The following ARHGAP17 variants were observed in gnomAD, a reference collection of about 807,000 sequenced individuals.
ARHGAP17 encodes rho GTPase-activating protein 17.
Under a neutral mutation model 99.5 loss-of-function variants are expected in ARHGAP17, and 57 were observed. That is an observed-to-expected ratio of 0.57 (90% CI 0.46 to 0.71). The LOEUF is 0.71. Among genes scored for constraint, ARHGAP17 ranks in the 30% least tolerant of loss-of-function variants. ARHGAP17 has a pLI of 0.00. For missense variants in ARHGAP17, 1,000 were observed against 1,122.4 expected, an observed-to-expected ratio of 0.89 and a Z score of 1.56; for synonymous variants, 417 against 429.6, an observed-to-expected ratio of 0.97 and a Z score of 0.36.
At chr16:24,990,025 A>T in intron 1 of ARHGAP17, among the ~76,000 whole-genome samples, 1 of 152,268 alleles carries the variant, frequency 6.6e-6, no homozygotes, top group Non-Finnish European at 1.5e-5. Flanking sequence ...GAATGTTCAC[A>T]ATACAGGCAC....
chr16:24,968,780 A>G lies in ARHGAP17; in HGVS notation c.273-8T>C, dbSNP rs1305431270. The G allele has an allele frequency of 6.2e-7, 1 of 1,614,002 alleles. No homozygotes were observed. Among genetic ancestry groups the G allele is most frequent in the Non-Finnish European group, 8.5e-7 (1 of 1,179,912 alleles). ...CACGTCTCCAGCATCTTCCTTTAAA[A>G]ACAAGACCCCCAACAACGAGCACGT... On this transcript the variant is annotated splice_polypyrimidine_tract_variant and splice_region_variant and intron_variant, in intron 4 of 19. Transcript: ENST00000289968.
Position 24,919,815 on chromosome 16 carries a change from G to A in ARHGAP17, c.*315C>T, listed in dbSNP as rs1312656990. On this transcript the variant is annotated 3_prime_UTR_variant, in exon 20 of 20. Transcript: ENST00000289968. ...GTAGGTGCTGCCCGCATTAACAGCA[G>A]GGACAAAAGCTTCCTATGCGCGTTT... 1 of 214,142 alleles carries A rather than the reference G, an allele frequency of 4.7e-6. No homozygotes were observed. The highest frequency in any genetic ancestry group is 1.1e-4 in the East Asian group (1 of 9,378). 13.3% of individuals were successfully genotyped at this position (214,142 alleles called of 1,614,324 possible). A position where few individuals can be genotyped will look rare whatever the true frequency, so the allele number is the denominator to read the frequency against.
At chr16:24,937,164 G>A (rs959976495) in intron 17 of ARHGAP17, among the ~76,000 whole-genome samples, 3 of 151,252 alleles carry the variant, frequency 2.0e-5, no homozygotes, top group Admixed American at 6.6e-5. Context: ...GCTCACGCCT[G>A]TAATCCCAGC....
chr16:24,998,331 T>C (rs1375967631), intron 1 of ARHGAP17, among the ~76,000 whole-genome samples: 1 of 150,064 alleles, frequency 6.7e-6, no homozygotes, highest in South Asian at 2.1e-4. Context: ...TGGAGGGAGG[T>C]GAAAGGTGCA....
At chr16:24,951,704 C>CT (rs1248684771) in intron 12 of ARHGAP17, among the ~76,000 whole-genome samples, 1 of 152,152 alleles carries the variant, frequency 6.6e-6, no homozygotes, top group African/African-American at 2.4e-5. Context: ...CTTAATAGTA[C>CT]TTTTTCTCTA....
intron 18 of ARHGAP17, among the ~76,000 whole-genome samples, chr16:24,932,719 C>G (rs770354845): frequency 2.0e-5 from 3 of 152,054 alleles, no homozygotes; most frequent in Admixed American, 6.6e-5. Context: ...CCTCCCTACA[C>G]CAGCTGAGAT....
At chr16:24,989,016 T>C (rs753261569) in intron 1 of ARHGAP17, among the ~76,000 whole-genome samples, 2 of 152,214 alleles carry the variant, frequency 1.3e-5, no homozygotes, top group Non-Finnish European at 2.9e-5. Context: ...TACATCCACA[T>C]AGAGCTACTG....
chr16:24,966,950 T>C (rs1318385582), intron 6 of ARHGAP17, among the ~76,000 whole-genome samples: 1 of 152,188 alleles, frequency 6.6e-6, no homozygotes, highest in African/African-American at 2.4e-5. Flanking sequence ...TCTACCCTGT[T>C]CCCTCCAAGT....
chr16:24,972,592 C>T (rs1004430080), intron 3 of ARHGAP17: 2 of 152,152 alleles, frequency 1.3e-5, no homozygotes, highest in African/African-American at 4.8e-5. Context: ...GGGATAATTC[C>T]TACCTTTTGG....
intron 1 of ARHGAP17, among the ~76,000 whole-genome samples, chr16:25,004,483 T>C (rs1277814385): frequency 6.6e-6 from 1 of 152,250 alleles, no homozygotes; most frequent in Non-Finnish European, 1.5e-5. Context: ...CATGTGAAAG[T>C]ATCCAATGAC....
At chr16:24,942,217 T>C (rs546549607) in intron 15 of ARHGAP17, 74 bp from the exon 16 acceptor site, 54 of 1,456,572 alleles carry the variant, frequency 3.7e-5, no homozygotes, top group East Asian at 9.1e-5. Flanking sequence ...ACACCCCTCA[T>C]TGGAACGGGA....
chr16:24,932,879 A>AGAAGGAAATGAAG (rs2051034734), intron 18 of ARHGAP17, among the ~76,000 whole-genome samples: 1 of 152,152 alleles, frequency 6.6e-6, no homozygotes, highest in African/African-American at 2.4e-5. Flanking sequence ...AGAAAGAAGG[A>AGAAGGAAATGAAG]GAAGGAAATG....
At chr16:24,984,682 C>T (rs538157812) in intron 1 of ARHGAP17, among the ~76,000 whole-genome samples, 4 of 151,758 alleles carry the variant, frequency 2.6e-5, no homozygotes, top group African/African-American at 9.7e-5. Context: ...AAGAAATACA[C>T]ACTGAATGAA....
chr16:24,977,171 G>A (rs1597441719), intron 3 of ARHGAP17, 44 bp downstream of exon 3: 2 of 1,466,322 alleles, frequency 1.4e-6, no homozygotes, highest in Non-Finnish European at 1.8e-6. Context: ...AAAAGCCTCA[G>A]AGAGACGCAG....
intron 1 of ARHGAP17, among the ~76,000 whole-genome samples, chr16:25,000,144 C>G (rs1018289057): frequency 1.1e-4 from 16 of 152,160 alleles, no homozygotes; most frequent in African/African-American, 3.6e-4. Context: ...AATGCAACTG[C>G]CCCAAAGCAG....
At chr16:24,974,928 C>T (rs759290043) in intron 3 of ARHGAP17, among the ~76,000 whole-genome samples, 67 of 152,146 alleles carry the variant, frequency 4.4e-4, no homozygotes, top group Non-Finnish European at 8.8e-4. Context: ...GGGAGAACTG[C>T]TTGAGCCCAG....
chr16:24,987,477 T>G (rs1007442232), intron 1 of ARHGAP17, among the ~76,000 whole-genome samples: 1 of 152,142 alleles, frequency 6.6e-6, no homozygotes, highest in Non-Finnish European at 1.5e-5. Context: ...AGAAGGGGGA[T>G]TTCTACGTTT....
intron 1 of ARHGAP17, among the ~76,000 whole-genome samples, chr16:24,995,625 C>G (rs531014364): frequency 6.6e-6 from 1 of 152,156 alleles, no homozygotes; most frequent in Admixed American, 6.5e-5. Context: ...TAGGAGCCAG[C>G]GGCAATCCAC....
intron 1 of ARHGAP17, among the ~76,000 whole-genome samples, chr16:25,009,874 A>C (rs889641473): frequency 6.6e-6 from 1 of 152,138 alleles, no homozygotes; most frequent in African/African-American, 2.4e-5. Context: ...AAAGTATGCA[A>C]AGCACCAAGC....
Sources: allele counts gnomAD v4.1 joint callset (sites outside exome capture counted in the v4.1 genomes callset), GRCh38; gene constraint gnomAD v4.1.1; transcripts MANE v1.5; gene names NCBI Gene and HGNC (gene_info 2026-07-23, HGNC 2026-07-21).